Variants in PPP1R15B observed in about 807,000 individuals in gnomAD.
PPP1R15B encodes the protein protein phosphatase 1, regulatory (inhibitor) subunit 15B.
A neutral mutation model predicts 53.9 loss-of-function variants in PPP1R15B; 31 were observed. The ratio of observed to expected loss-of-function variants is 0.58; its 90% CI spans 0.43 to 0.78. The LOEUF (loss-of-function observed/expected upper bound fraction) is 0.78. PPP1R15B is among the 30% of genes least tolerant of loss of function. The pLI, the probability that PPP1R15B is intolerant of heterozygous loss-of-function variation, is 0.00. For missense variants in PPP1R15B, 928 were observed against 849.6 expected, an observed-to-expected ratio of 1.09 and a Z score of -1.15; for synonymous variants, 345 against 329.1, an observed-to-expected ratio of 1.05 and a Z score of -0.52.
At position 204,404,549 on chromosome 1, in the gene PPP1R15B, T is replaced by C; in HGVS notation, c.*1543A>G. The C allele has an allele frequency of 2.0e-6, 2 of 985,766 alleles. No homozygotes were observed. Among genetic ancestry groups the C allele is most frequent in the Non-Finnish European group, 2.4e-6 (2 of 829,886 alleles). 61.1% of individuals were successfully genotyped at this position (985,766 alleles called of 1,614,324 possible). A position where few individuals can be genotyped will look rare whatever the true frequency, so the allele number is the denominator to read the frequency against. ...GCTCTGCAAAAATTTGACCAGCTTT[T>C]ATAGTGTTGCATTCTCAATGTGTTT... is the stretch of plus-strand genomic sequence containing the variant. On this transcript the variant is annotated 3_prime_UTR_variant, in exon 2 of 2. Coordinates refer to ENST00000367188, the MANE Select transcript of PPP1R15B (RefSeq NM_032833.5).
At chr1:204,407,121 A>G (rs1674279713) in intron 1 of PPP1R15B, among the ~76,000 whole-genome samples, 1 of 152,204 alleles carries the variant, frequency 6.6e-6, no homozygotes, top group Admixed American at 6.5e-5. Context: ...GGCTTTAACA[A>G]TATTTTTGCT....
chr1:204,408,385 T>G (rs1674302131), intron 1 of PPP1R15B, among the ~76,000 whole-genome samples: 1 of 152,250 alleles, frequency 6.6e-6, no homozygotes, highest in Admixed American at 6.5e-5. Flanking sequence ...ATCTTTAACA[T>G]GACTTATTCT....
rs1478602051 is a variant in PPP1R15B, at chr1:204,410,613, G to A, written c.799C>T (p.Pro267Ser). 3.1e-6 allele frequency: 5 copies of A among 1,614,014 alleles called. No homozygotes were observed. Among genetic ancestry groups the A allele is most frequent in the East Asian group, 2.2e-5 (1 of 44,890 alleles). Reference protein sequence around the residue: ...SSCLREDHCHPQPLSAELIPA... With the variant: ...SSCLREDHCHSQPLSAELIPA... The stretch of plus-strand genomic sequence containing the variant: ...ATGAGTTCTGCACTCAGCGGCTGGG[G>A]ATGACAATGGTCCTCTCTCAGGCAG... The change falls in exon 1 of 2, where the codon CCC (proline) becomes TCC (serine). Residue 267 changes from proline to serine, a missense_variant. Physicochemically the swap from Pro to Ser is moderately conservative, Grantham distance 74 (BLOSUM62 -1). Transcript: ENST00000367188.
chr1:204,404,771 C>G lies in PPP1R15B; in HGVS notation c.*1321G>C. 1 of 985,848 alleles carries G rather than the reference C, an allele frequency of 1.0e-6. No individual in the cohort carries two copies. Among genetic ancestry groups the G allele is most frequent in the South Asian group, 4.7e-5 (1 of 21,294 alleles). The allele number at this position is 985,848 out of a possible 1,614,324, so 61.1% of individuals were successfully genotyped here. A position where few individuals can be genotyped will look rare whatever the true frequency, so the allele number is the denominator to read the frequency against. On this transcript the variant is annotated 3_prime_UTR_variant, in exon 2 of 2. Transcript: ENST00000367188. ...TCCATTACCTGTGACAGGAAGCACA[C>G]GGAATGAAAGCAGACCACGGAAGGG...
At chr1:204,408,582 A>G (rs1674305725) in intron 1 of PPP1R15B, among the ~76,000 whole-genome samples, 1 of 152,226 alleles carries the variant, frequency 6.6e-6, no homozygotes, top group Admixed American at 6.5e-5. Context: ...AAGTAACGGT[A>G]TAGAAAACTA....
downstream of PPP1R15B, among the ~76,000 whole-genome samples, chr1:204,399,196 G>A (rs1450226956): frequency 1.3e-5 from 2 of 152,136 alleles, no homozygotes; most frequent in African/African-American, 4.8e-5. Context: ...GGGAGGCCAA[G>A]GCAGGAGGAC....
At position 204,404,810 on chromosome 1, in the gene PPP1R15B, A is replaced by G; in HGVS notation, c.*1282T>C. 1.0e-6 allele frequency: 1 copy of G among 985,844 alleles called. No individual in the cohort carries two copies. The highest frequency in any genetic ancestry group is 1.2e-6 in the Non-Finnish European group (1 of 829,894). The allele number at this position is 985,844 out of a possible 1,614,324, so 61.1% of individuals were successfully genotyped here. Reference sequence around the variant, plus strand: ...ACCACGGAAGGGTTAACAACCCCTCAACCTAACTTATGTGTACCTTGTAAA... The same window carrying G: ...ACCACGGAAGGGTTAACAACCCCTCGACCTAACTTATGTGTACCTTGTAAA... On this transcript the variant is annotated 3_prime_UTR_variant, in exon 2 of 2. Transcript: ENST00000367188.
downstream of PPP1R15B, among the ~76,000 whole-genome samples, chr1:204,400,058 C>A (rs1196140514): frequency 6.6e-6 from 1 of 151,862 alleles, no homozygotes; most frequent in Non-Finnish European, 1.5e-5. Context: ...CCAGCCCGGG[C>A]AACATAGTGA....
At chr1:204,407,361 A>C (rs1404598426) in intron 1 of PPP1R15B, among the ~76,000 whole-genome samples, 1 of 152,110 alleles carries the variant, frequency 6.6e-6, no homozygotes, top group Non-Finnish European at 1.5e-5. Context: ...CTATATATGA[A>C]ATTGTGATTC....
Position 204,411,563 on chromosome 1 carries a change from G to A in PPP1R15B, c.-152C>T. 1 of 1,079,702 alleles carries A rather than the reference G, an allele frequency of 9.3e-7. No homozygotes were observed. 66.9% of individuals were successfully genotyped at this position (1,079,702 alleles called of 1,614,324 possible). ...TTCGAGCCAGCAGAAAAGCCACAGA[G>A]GGCAGCGAATGCGGCAGCGGGCGGC... On this transcript the variant is annotated 5_prime_UTR_variant, in exon 1 of 2. Coordinates refer to ENST00000367188, the MANE Select transcript of PPP1R15B (RefSeq NM_032833.5).
Position 204,411,599 on chromosome 1 carries a change from G to A in PPP1R15B, c.-188C>T, listed in dbSNP as rs549775777. 40 of 725,470 alleles carry A rather than the reference G, an allele frequency of 5.5e-5. No individual in the cohort carries two copies. Among genetic ancestry groups the A allele is most frequent in the South Asian group, 2.0e-4 (11 of 54,112 alleles). 44.9% of individuals were successfully genotyped at this position (725,470 alleles called of 1,614,324 possible). A position where few individuals can be genotyped will look rare whatever the true frequency, so the allele number is the denominator to read the frequency against. On this transcript the variant is annotated 5_prime_UTR_variant, in exon 1 of 2. Coordinates refer to ENST00000367188, the MANE Select transcript of PPP1R15B (RefSeq NM_032833.5). The stretch of plus-strand genomic sequence containing the variant: ...GCGGCAGCGGGCGGCAGAACACAGG[G>A]AAGAACAGCCCGCGCAATAGGCGGC...
chr1:204,402,822 C>T (rs904236238), downstream of PPP1R15B, among the ~76,000 whole-genome samples: 1 of 152,000 alleles, frequency 6.6e-6, no homozygotes, highest in East Asian at 2.0e-4. Flanking sequence ...GCCTGTAATC[C>T]CAGCACTTTG....
At position 204,404,459 on chromosome 1, in the gene PPP1R15B, TG is replaced by T; in HGVS notation, c.*1632del. 1.1e-6 allele frequency: 1 copy of T among 884,894 alleles called. No individual in the cohort carries two copies. Among genetic ancestry groups the T allele is most frequent in the Non-Finnish European group, 1.4e-6 (1 of 739,122 alleles). The allele number at this position is 884,894 out of a possible 1,614,324, so 54.8% of individuals were successfully genotyped here. ...GAGATCGCGCCACTGCACTCCAAGC[TG>T]GGGGACCGAACGAGACTCTGTCTCA... On this transcript the variant is annotated 3_prime_UTR_variant, in exon 2 of 2. Coordinates refer to ENST00000367188, the MANE Select transcript of PPP1R15B (RefSeq NM_032833.5).
chr1:204,397,558 T>C (rs1674113944), downstream of PPP1R15B, among the ~76,000 whole-genome samples: 1 of 152,126 alleles, frequency 6.6e-6, no homozygotes, highest in Non-Finnish European at 1.5e-5. Flanking sequence ...TTTTAAGGGT[T>C]CTTACCACAA....
intron 1 of PPP1R15B, among the ~76,000 whole-genome samples, chr1:204,408,676 G>C (rs1674307369): frequency 6.6e-6 from 1 of 152,148 alleles, no homozygotes; most frequent in Non-Finnish European, 1.5e-5. Context: ...CAACTATAAA[G>C]AAAAACAAAC....
At position 204,411,203 on chromosome 1, in the gene PPP1R15B, A is replaced by T; in HGVS notation, c.209T>A (p.Leu70His). The change falls in exon 1 of 2, where the codon CTC becomes CAC. Residue 70 changes from leucine (L) to histidine (H), a missense_variant. Coordinates refer to ENST00000367188, the MANE Select transcript of PPP1R15B (RefSeq NM_032833.5). Reference sequence around the variant, plus strand: ...AAGCAATCCGGGGAGCGGCGCAAGGAGCTGGGAGAGCAGTTTCGTCCAGTA... The same window carrying T: ...AAGCAATCCGGGGAGCGGCGCAAGGTGCTGGGAGAGCAGTTTCGTCCAGTA... ...VSYWTKLLSQ[L>H]LAPLPGLLQK... 6.2e-7 allele frequency: 1 copy of T among 1,614,186 alleles called. No homozygotes were observed. Among genetic ancestry groups the T allele is most frequent in the Non-Finnish European group, 8.5e-7 (1 of 1,180,022 alleles).
chr1:204,410,456 T>C lies in PPP1R15B; in HGVS notation c.956A>G (p.Asp319Gly). 1 of 1,614,246 alleles carries C rather than the reference T, an allele frequency of 6.2e-7. No individual in the cohort carries two copies. The highest frequency in any genetic ancestry group is 8.5e-7 in the Non-Finnish European group (1 of 1,180,034). ...KGQDLPTPDQ[D>G]NGYHSLEEEH... ...CTCCTCCAGGCTGTGGTAGCCATTA[T>C]CCTGGTCAGGGGTGGGTAAATCTTG... is the stretch of plus-strand genomic sequence containing the variant. The change falls in exon 1 of 2, where the codon GAT (aspartate) becomes GGT (glycine). Residue 319 changes from aspartate to glycine, a missense_variant. Transcript: ENST00000367188.
downstream of PPP1R15B, among the ~76,000 whole-genome samples, chr1:204,403,153 G>T (rs1445478646): frequency 1.3e-5 from 2 of 152,140 alleles, no homozygotes; most frequent in Non-Finnish European, 2.9e-5. Flanking sequence ...GAATGTTATT[G>T]CTTCTGTGAA....
At position 204,410,388 on chromosome 1, in the gene PPP1R15B, T is replaced by C. The variant is rs1674346012; in HGVS notation, c.1024A>G (p.Asn342Asp). 6.2e-7 allele frequency: 1 copy of C among 1,614,102 alleles called. No homozygotes were observed. The highest frequency in any genetic ancestry group is 1.3e-5 in the African/African-American group (1 of 74,934). The change falls in exon 1 of 2, where the codon AAC becomes GAC. Residue 342 changes from asparagine (N) to aspartate (D), a missense_variant. Physicochemically the swap from Asn to Asp is conservative, Grantham distance 23 (BLOSUM62 1). Coordinates refer to ENST00000367188, the MANE Select transcript of PPP1R15B (RefSeq NM_032833.5). ...GCAGCAGGAACAAACTGTGTTGGGT[T>C]ATCTCTGCAGTGTTTTGGATCCATC... is the stretch of plus-strand genomic sequence containing the variant. ...LRMDPKHCRDNPTQFVPAAGD... is the reference protein window; with the variant it reads ...LRMDPKHCRDDPTQFVPAAGD...
Sources: allele counts gnomAD v4.1 joint callset (sites outside exome capture counted in the v4.1 genomes callset), GRCh38; gene constraint gnomAD v4.1.1; transcripts MANE v1.5; gene names NCBI Gene and HGNC (gene_info 2026-07-23, HGNC 2026-07-21).